The following ABHD2 variants were observed in gnomAD, a reference collection of about 807,000 sequenced individuals.
ABHD2 encodes abhydrolase domain containing 2, acylglycerol lipase, also known as monoacylglycerol lipase ABHD2.
In ABHD2, 20 loss-of-function variants were observed where a neutral mutation model predicts 48.1. The ratio of observed to expected loss-of-function variants is 0.42; its 90% CI spans 0.29 to 0.60. The LOEUF (loss-of-function observed/expected upper bound fraction) is 0.60. Ranked by LOEUF, ABHD2 falls within the 20% of genes least tolerant of loss-of-function variation. The probability of loss-of-function intolerance (pLI) is 0.24; values close to 1 mark genes in which losing one functional copy is unlikely to be tolerated. For synonymous variants in ABHD2, 209 were observed against 214.2 expected (o/e 0.98, Z 0.21); for missense variants, 405 against 550.9 (o/e 0.74, Z 2.65).
the ABHD2 span, among the ~76,000 whole-genome samples, chr15:89,055,598 G>C: frequency 6.6e-6 from 1 of 152,066 alleles, no homozygotes; most frequent in African/African-American, 2.4e-5. Context: ...GCCTCCCAAA[G>C]TGCTGGGATT....
chr15:89,201,171 T>C lies in ABHD2; in HGVS notation c.*5748T>C. The C allele has an allele frequency of 6.8e-7, 1 of 1,460,462 alleles. No homozygotes were observed. Among genetic ancestry groups the C allele is most frequent in the Non-Finnish European group, 9.6e-7 (1 of 1,041,704 alleles). 90.5% of individuals were successfully genotyped at this position (1,460,462 alleles called of 1,614,324 possible). On this transcript the variant is annotated 3_prime_UTR_variant, in exon 11 of 11. Coordinates refer to ENST00000352732, the MANE Select transcript of ABHD2 (RefSeq NM_152924.5). ...CTGGTGACATCTCTGAAGGATGCAGTTGAGGTTGATCCAGGTTTATCCGAA... is the reference window on the plus strand; with the variant it reads ...CTGGTGACATCTCTGAAGGATGCAGCTGAGGTTGATCCAGGTTTATCCGAA...
intron 10 of ABHD2, among the ~76,000 whole-genome samples, chr15:89,194,821 T>C (rs952985408): frequency 3.3e-5 from 5 of 152,202 alleles, no homozygotes; most frequent in African/African-American, 1.2e-4. Context: ...CCTGGGGAGC[T>C]TGAGCAATAC....
Position 89,155,423 on chromosome 15 carries a change from A to G in ABHD2, c.427A>G (p.Ile143Val), listed in dbSNP as rs986003806. The change falls in exon 5 of 11, where the codon ATC becomes GTC. Residue 143 changes from isoleucine to valine, a missense_variant. Coordinates refer to ENST00000352732, the MANE Select transcript of ABHD2 (RefSeq NM_152924.5). This position sits in a 1 kb window ranked among gnomAD's most constrained non-coding sequence, Gnocchi z 4.9. ...TGCCAATCACAGCGAGAAGCAATAC[A>G]TCCGCACTTTCGTTGACTACGCCCA... ...GIANHSEKQY[I>V]RTFVDYAQKN... is the part of the protein sequence containing the mutation. The G allele has an allele frequency of 6.2e-7, 1 of 1,614,216 alleles. No homozygotes were observed. Among genetic ancestry groups the G allele is most frequent in the Non-Finnish European group, 8.5e-7 (1 of 1,180,032 alleles).
chr15:89,123,654 A>G (rs112927353), intron 3 of ABHD2, among the ~76,000 whole-genome samples: 5,869 of 139,398 alleles, frequency 0.042, 399 homozygotes, highest in African/African-American at 0.14. Flanking sequence ...TTGGAGTACA[A>G]TGGCACAATC....
intron 5 of ABHD2, among the ~76,000 whole-genome samples, chr15:89,169,692 A>G (rs1280277125): frequency 6.6e-6 from 1 of 152,238 alleles, no homozygotes; most frequent in Non-Finnish European, 1.5e-5. Flanking sequence ...TTGCTCCAGC[A>G]TGAGTGATAT....
In ABHD2 at chr15:89,201,711, T is replaced by C; in HGVS notation, c.*6288T>C. ...CAATTTAAGATTTGTAGTGACTACA[T>C]CTGTGAAGGGGCCTTTGAATTTGAG... On this transcript the variant is annotated 3_prime_UTR_variant, in exon 11 of 11. Coordinates refer to ENST00000352732, the MANE Select transcript of ABHD2 (RefSeq NM_152924.5). 6.2e-7 allele frequency: 1 copy of C among 1,607,276 alleles called. No individual in the cohort carries two copies. The highest frequency in any genetic ancestry group is 1.3e-5 in the African/African-American group (1 of 74,904).
At chr15:89,064,450 G>T in the ABHD2 span, among the ~76,000 whole-genome samples, 2 of 151,810 alleles carry the variant, frequency 1.3e-5, no homozygotes, top group African/African-American at 4.8e-5. Context: ...GGATGGTCTC[G>T]ATCTCCTGAC....
chr15:89,076,352 C>G, the ABHD2 span, among the ~76,000 whole-genome samples: 26 of 152,306 alleles, frequency 1.7e-4, no homozygotes, highest in South Asian at 4.3e-3. Flanking sequence ...GCCAGACATT[C>G]TTTCATCCAT....
intron 3 of ABHD2, among the ~76,000 whole-genome samples, chr15:89,117,925 T>G (rs2049987293): frequency 6.6e-6 from 1 of 152,190 alleles, no homozygotes; most frequent in Non-Finnish European, 1.5e-5. Flanking sequence ...GTTGTGACAG[T>G]GATGTCATGA....
In ABHD2 at chr15:89,196,531, C is replaced by T. The variant is rs945419487; in HGVS notation, c.*1108C>T. ...CCTCCAGGGGAGCCTGGGAGCTGCTCTCCCAGTCTAAGCATGTAGATATCA... is the reference window on the plus strand; with the variant it reads ...CCTCCAGGGGAGCCTGGGAGCTGCTTTCCCAGTCTAAGCATGTAGATATCA... On this transcript the variant is annotated 3_prime_UTR_variant, in exon 11 of 11. Transcript: ENST00000352732. The T allele has an allele frequency of 7.9e-5, 12 of 152,212 alleles. No individual in the cohort carries two copies. Among genetic ancestry groups the T allele is most frequent in the African/African-American group, 2.9e-4 (12 of 41,456 alleles). 9.4% of individuals were successfully genotyped at this position (152,212 alleles called of 1,614,324 possible).
the ABHD2 span, among the ~76,000 whole-genome samples, chr15:89,045,508 A>G: frequency 9.9e-5 from 15 of 152,058 alleles, no homozygotes; most frequent in South Asian, 4.2e-4. Flanking sequence ...CCATTTTCAC[A>G]ATATTGATTC....
At chr15:89,158,117 G>A (rs2050703985) in intron 5 of ABHD2, among the ~76,000 whole-genome samples, 1 of 152,134 alleles carries the variant, frequency 6.6e-6, no homozygotes, top group South Asian at 2.1e-4. Flanking sequence ...CACTTACTGT[G>A]TGCCAGTGGG....
chr15:89,049,079 C>G, the ABHD2 span, among the ~76,000 whole-genome samples: 1 of 152,092 alleles, frequency 6.6e-6, no homozygotes, highest in African/African-American at 2.4e-5. Context: ...GATATCCTTT[C>G]TGTTTGTTAG....
At chr15:89,064,495 T>C in the ABHD2 span, among the ~76,000 whole-genome samples, 1 of 152,154 alleles carries the variant, frequency 6.6e-6, no homozygotes, top group Non-Finnish European at 1.5e-5. Flanking sequence ...CCCAAAGTGC[T>C]GGGATTACAG....
intron 1 of ABHD2, among the ~76,000 whole-genome samples, chr15:89,099,861 A>G (rs1323017526): frequency 6.6e-6 from 1 of 152,092 alleles, no homozygotes; most frequent in Non-Finnish European, 1.5e-5. Flanking sequence ...GTGAGCCAAG[A>G]TCATGCCGCT....
chr15:89,117,684 G>A (rs186052), intron 3 of ABHD2, among the ~76,000 whole-genome samples: 66,157 of 152,086 alleles, frequency 0.43, 14,924 homozygotes, highest in African/African-American at 0.49. Flanking sequence ...CTAAGACCCA[G>A]TGGTGGTAGA....
At chr15:89,128,465 T>C (rs765684418) in intron 3 of ABHD2, among the ~76,000 whole-genome samples, 1 of 152,198 alleles carries the variant, frequency 6.6e-6, no homozygotes, top group Non-Finnish European at 1.5e-5. Flanking sequence ...CATTGACACA[T>C]ATCCACGTTG....
At chr15:89,048,114 C>T in the ABHD2 span, among the ~76,000 whole-genome samples, 4 of 151,772 alleles carry the variant, frequency 2.6e-5, no homozygotes, top group South Asian at 8.4e-4. Flanking sequence ...AATCTCTCAG[C>T]ATTTGCTTGT....
Position 89,125,588 on chromosome 15 carries a change from T to A in ABHD2, c.194+9067T>A, listed in dbSNP as rs554905200. 2.0e-5 allele frequency among the ~76,000 whole-genome samples: 3 copies of A among 152,314 alleles called. No individual in the cohort carries two copies. In the East Asian group the frequency reaches 5.8e-4, roughly 29 times the overall value. ...CTGCTGACTCTGGGACACTCTTTTATTACTTGGCTGACCAAACATTCCAGT... is the reference window on the plus strand; with the variant it reads ...CTGCTGACTCTGGGACACTCTTTTAATACTTGGCTGACCAAACATTCCAGT... On this transcript the variant is annotated intron_variant, in intron 3 of 10. Transcript: ENST00000352732.
Sources: allele counts gnomAD v4.1 joint callset (sites outside exome capture counted in the v4.1 genomes callset), GRCh38; gene constraint gnomAD v4.1.1; non-coding constraint Gnocchi (gnomAD v3.1); transcripts MANE v1.5; gene names NCBI Gene and HGNC (gene_info 2026-07-23, HGNC 2026-07-21).